Variants in PP2D1 observed in about 807,000 individuals in gnomAD.
PP2D1 encodes protein phosphatase 2C like domain containing 1.
A neutral mutation model predicts 30.2 loss-of-function variants in PP2D1; 25 were observed. The ratio of observed to expected loss-of-function variants is 0.83; its 90% confidence interval spans 0.60 to 1.16. The LOEUF (loss-of-function observed/expected upper bound fraction) is 1.16. PP2D1 is among the 50% of genes most tolerant of loss of function. The pLI is 0.00. For missense variants in PP2D1, 760 were observed against 742.4 expected, an observed-to-expected ratio of 1.02 and a Z score of -0.28; for synonymous variants, 260 against 258.9, an observed-to-expected ratio of 1.00 and a Z score of -0.04.
intron 1 of PP2D1, among the ~76,000 whole-genome samples, chr3:20,007,563 G>C (rs1697334930): frequency 6.6e-6 from 1 of 152,114 alleles, no homozygotes; most frequent in South Asian, 2.1e-4. Flanking sequence ...GAGGTCAGAA[G>C]TTCGAGACCA....
At chr3:19,983,759 G>T, downstream of PP2D1, 1 of 1,612,620 alleles carries the variant, frequency 6.2e-7, no homozygotes, top group Non-Finnish European at 8.5e-7. Context: ...AATTCTGCCA[G>T]AGGAAGAGGA....
chr3:19,982,427 G>A (rs1696947067), downstream of PP2D1, among the ~76,000 whole-genome samples: 1 of 152,186 alleles, frequency 6.6e-6, no homozygotes, highest in Admixed American at 6.5e-5. Flanking sequence ...TCTAACTTGG[G>A]TGTTATCTGT....
chr3:19,985,469 C>G lies in PP2D1; in HGVS notation c.1804G>C (p.Val602Leu), dbSNP rs749387978. The change falls in exon 3 of 3, where the codon GTA becomes CTA. Residue 602 changes from valine to leucine, a missense_variant. Coordinates refer to ENST00000389050, the MANE Select transcript of PP2D1 (RefSeq NM_001252657.2). ...GAGCCAGCCAGTAAAGCAGCATTTA[C>G]AAGTTCATGGCTAACATACTCAGCT... ...GAAEYVSHEL[V>L]NAALLAGSRD... 5 of 1,536,092 alleles carry G rather than the reference C, an allele frequency of 3.3e-6. No homozygotes were observed. The South Asian group carries it at 5.9e-5, about 18-fold the overall frequency.
chr3:19,989,301 C>A (rs1697085277), intron 2 of PP2D1, among the ~76,000 whole-genome samples: 1 of 152,184 alleles, frequency 6.6e-6, no homozygotes, highest in African/African-American at 2.4e-5. Context: ...CACTGCACTT[C>A]AGTCTGCGCG....
chr3:19,998,546 C>A (rs1697211451), intron 2 of PP2D1, among the ~76,000 whole-genome samples: 1 of 152,108 alleles, frequency 6.6e-6, no homozygotes, highest in Admixed American at 6.5e-5. Context: ...ATGCATATAT[C>A]AAAATGCCAC....
intron 2 of PP2D1, among the ~76,000 whole-genome samples, chr3:19,988,951 A>C (rs1697079683): frequency 6.6e-6 from 1 of 151,594 alleles, no homozygotes; most frequent in Non-Finnish European, 1.5e-5. Flanking sequence ...ACGCCACTAC[A>C]CTCCAGCCTG....
In PP2D1 at chr3:20,002,095, C is replaced by T; in HGVS notation, c.25G>A (p.Val9Met). Residue 9 changes from valine to methionine, a missense_variant and splice_region_variant, in exon 2 of 3, where the codon GTG becomes ATG. Val to Met is a conservative substitution (Grantham distance 21). Around this residue, in one of 3 missense-constraint regions of PP2D1, gnomAD observed 374 missense variants for 388.8 expected, o/e 0.96. Coordinates refer to ENST00000389050, the MANE Select transcript of PP2D1 (RefSeq NM_001252657.2). MSTNNALR[V>M]FWKSREWNMK... ...TTCCATTCTCTTGATTTCCAAAACACTCTGCAAACAGGATGAAAGATATTT... is the reference window on the plus strand; with the variant it reads ...TTCCATTCTCTTGATTTCCAAAACATTCTGCAAACAGGATGAAAGATATTT... The T allele has an allele frequency of 2.0e-6, 3 of 1,520,756 alleles. No homozygotes were observed. The highest frequency in any genetic ancestry group is 2.6e-6 in the Non-Finnish European group (3 of 1,134,022). 94.2% of individuals were successfully genotyped at this position (1,520,756 alleles called of 1,614,324 possible).
chr3:19,986,069 T>C lies in PP2D1; in HGVS notation c.1204A>G (p.Ser402Gly). 6.5e-7 allele frequency: 1 copy of C among 1,536,044 alleles called. No homozygotes were observed. Among genetic ancestry groups the C allele is most frequent in the East Asian group, 2.4e-5 (1 of 40,906 alleles). ...ACAAGCCCGTATGGTTCATTTGAAC[T>C]AATGACTGCTCCATTCTGAAGTATT... ...RRILQNGAVI[S>G]SNEPYGLVEG... The change falls in exon 3 of 3, where the codon AGT becomes GGT. Residue 402 changes from serine to glycine, a missense_variant. By Grantham distance (56) the Ser-to-Gly change is moderately conservative. Coordinates refer to ENST00000389050, the MANE Select transcript of PP2D1 (RefSeq NM_001252657.2).
intron 2 of PP2D1, among the ~76,000 whole-genome samples, chr3:19,991,663 T>C (rs1697121380): frequency 6.6e-6 from 1 of 152,148 alleles, no homozygotes; most frequent in South Asian, 2.1e-4. Context: ...CTTCATTAGG[T>C]CACTTTATTT....
chr3:20,006,213 TCC>T (rs1166135833), intron 1 of PP2D1, among the ~76,000 whole-genome samples: 5 of 152,236 alleles, frequency 3.3e-5, no homozygotes, highest in African/African-American at 9.6e-5. Context: ...GCCACTGCAC[TCC>T]AGCCTGGGCG....
chr3:19,988,214 A>G (rs573519107), intron 2 of PP2D1, among the ~76,000 whole-genome samples: 57 of 152,352 alleles, frequency 3.7e-4, no homozygotes, highest in Middle Eastern at 3.4e-3. Flanking sequence ...GAACAGAGCC[A>G]TATTTCTCTT....
chr3:20,006,771 G>A (rs1300961808), intron 1 of PP2D1, among the ~76,000 whole-genome samples: 1 of 151,214 alleles, frequency 6.6e-6, no homozygotes, highest in Admixed American at 6.6e-5. Flanking sequence ...CGGCCCTCCC[G>A]TATACTTGTT....
At chr3:20,011,678 A>G (rs1697389275) in intron 1 of PP2D1, among the ~76,000 whole-genome samples, 1 of 152,154 alleles carries the variant, frequency 6.6e-6, no homozygotes, top group South Asian at 2.1e-4. Context: ...AGCCGCCTGC[A>G]GTCCCAGCTA....
chr3:19,990,706 A>T (rs1697108338), intron 2 of PP2D1, among the ~76,000 whole-genome samples: 1 of 151,974 alleles, frequency 6.6e-6, no homozygotes, highest in African/African-American at 2.4e-5. Flanking sequence ...AAGCTTGAAC[A>T]GAATAATGAA....
At chr3:19,980,440 A>G (rs1298835333), downstream of PP2D1, among the ~76,000 whole-genome samples, 1 of 110,416 alleles carries the variant, frequency 9.1e-6, no homozygotes, top group Non-Finnish European at 1.8e-5. Flanking sequence ...TCACTAGGTT[A>G]GTAAATTTTT....
intron 2 of PP2D1, 99 bp downstream of exon 2, chr3:20,000,931 C>G (rs1441311528): frequency 1.7e-6 from 1 of 588,912 alleles, no homozygotes; most frequent in Non-Finnish European, 2.6e-6. Context: ...TACTAAGTCA[C>G]TAAATAATAG....
chr3:20,008,904 GA>G (rs575684698), intron 1 of PP2D1, among the ~76,000 whole-genome samples: 1 of 151,770 alleles, frequency 6.6e-6, no homozygotes, highest in Admixed American at 6.6e-5. Context: ...AGGGGACACT[GA>G]AAAAAAAGCC....
downstream of PP2D1, chr3:19,984,277 A>G (rs1313575838): frequency 2.3e-6 from 1 of 430,078 alleles, no homozygotes; most frequent in Non-Finnish European, 4.5e-6. Flanking sequence ...ATTCAGGCAA[A>G]TGTTCATTTC....
rs535933705 is a variant in PP2D1, at chr3:19,985,668, G to A, written c.1605C>T (p.Ser535=). Residue 535 remains serine, a synonymous_variant, in exon 3 of 3, where the codon TCC becomes TCT. Coordinates refer to ENST00000389050, the MANE Select transcript of PP2D1 (RefSeq NM_001252657.2). ...TACAGTATTTAGAATAGTTTGAATC[G>A]GATAAATTTTCTTTGGAATTTGTAG... The part of the protein sequence containing the change: ...VSTTNSKENL[S]DSNYSKYCIY... 143 of 1,535,680 alleles carry A rather than the reference G, an allele frequency of 9.3e-5. 2 individuals carry two copies. In the South Asian group the frequency reaches 1.4e-3, roughly 15 times the overall value.
Sources: allele counts gnomAD v4.1 joint callset (sites outside exome capture counted in the v4.1 genomes callset), GRCh38; gene constraint gnomAD v4.1.1; regional missense constraint gnomAD v4.1.1; transcripts MANE v1.5; gene names NCBI Gene and HGNC (gene_info 2026-07-23, HGNC 2026-07-21).